The following RTCB variants were observed in gnomAD, a reference collection of about 807,000 sequenced individuals.
RTCB encodes RNA 2',3'-cyclic phosphate and 5'-OH ligase.
RTCB carries 32 observed loss-of-function variants against 58.2 expected under a neutral mutation model. The observed-to-expected ratio is 0.55, with a 90% CI of 0.41 to 0.74. The LOEUF is 0.74. RTCB is among the 30% of genes least tolerant of loss of function. The pLI, the probability that RTCB is intolerant of heterozygous loss-of-function variation, is 0.00. For missense variants in RTCB, 523 were observed against 639.0 expected, an observed-to-expected ratio of 0.82 and a Z score of 1.96; for synonymous variants, 247 against 218.6, an observed-to-expected ratio of 1.13 and a Z score of -1.15.
At chr22:32,400,819 T>C (rs1045414487) in intron 5 of RTCB, among the ~76,000 whole-genome samples, 2 of 152,198 alleles carry the variant, frequency 1.3e-5, no homozygotes, top group Non-Finnish European at 2.9e-5. Context: ...TAAAGAAACA[T>C]AGCTAGCACA....
At chr22:32,400,615 C>G (rs1428110511) in intron 5 of RTCB, among the ~76,000 whole-genome samples, 1 of 152,204 alleles carries the variant, frequency 6.6e-6, no homozygotes, top group Admixed American at 6.5e-5. Context: ...TCCACGTATG[C>G]TTTTCAAATT....
chr22:32,411,966 C>A lies in RTCB; in HGVS notation c.93+98G>T, dbSNP rs938510087. ...AGGGAAACTCTGCAAGGGGCCGGGG[C>A]GGACCCAGTGGTCAGGGGAGGTCCA... On this transcript the variant is annotated intron_variant, in intron 1 of 11. Coordinates refer to ENST00000216038, the MANE Select transcript of RTCB (RefSeq NM_014306.5). 3 of 845,414 alleles carry A rather than the reference C, an allele frequency of 3.5e-6. No homozygotes were observed. The Admixed American group carries it at 7.5e-5, about 21-fold the overall frequency. 52.4% of individuals were successfully genotyped at this position (845,414 alleles called of 1,614,324 possible).
At chr22:32,402,072 A>T (rs908919275) in intron 4 of RTCB, among the ~76,000 whole-genome samples, 169 bp from the exon 5 acceptor site, 3 of 152,236 alleles carry the variant, frequency 2.0e-5, no homozygotes, top group Non-Finnish European at 4.4e-5. Flanking sequence ...ACACCAAGAT[A>T]ATCTAAAGTA....
chr22:32,389,111 T>C (rs896929977), intron 11 of RTCB, among the ~76,000 whole-genome samples: 4 of 152,170 alleles, frequency 2.6e-5, no homozygotes, highest in Non-Finnish European at 5.9e-5. Flanking sequence ...CTTGCAGTCA[T>C]TACATCGTAC....
intron 4 of RTCB, among the ~76,000 whole-genome samples, chr22:32,403,403 T>C (rs972751601): frequency 6.6e-6 from 1 of 150,798 alleles, no homozygotes; most frequent in African/African-American, 2.4e-5. Flanking sequence ...CGAGACTCCG[T>C]CTCAAAAAAA....
intron 1 of RTCB, among the ~76,000 whole-genome samples, chr22:32,410,302 G>T (rs1933498179): frequency 6.6e-6 from 1 of 152,134 alleles, no homozygotes; most frequent in Non-Finnish European, 1.5e-5. Flanking sequence ...TGGCGCAGCA[G>T]AACATCTAGG....
intron 7 of RTCB, 131 bp from the exon 8 acceptor site, chr22:32,396,380 T>A: frequency 1.1e-6 from 1 of 877,526 alleles, no homozygotes; most frequent in Non-Finnish European, 1.7e-6. Context: ...ACTTTCCCTT[T>A]AATGTGTTTC....
At chr22:32,410,794 C>A (rs556223029) in intron 1 of RTCB, among the ~76,000 whole-genome samples, 2 of 151,526 alleles carry the variant, frequency 1.3e-5, no homozygotes, top group South Asian at 4.2e-4. Context: ...CGGGTCACTG[C>A]AGCCAAGATC....
chr22:32,399,229 T>C (rs1013950360), intron 6 of RTCB, among the ~76,000 whole-genome samples: 1 of 152,094 alleles, frequency 6.6e-6, no homozygotes, highest in African/African-American at 2.4e-5. Flanking sequence ...CTCAAACTCC[T>C]AGGCTCAAGC....
chr22:32,395,824 A>G (rs1199247667), intron 8 of RTCB, among the ~76,000 whole-genome samples: 2 of 152,076 alleles, frequency 1.3e-5, no homozygotes, highest in Non-Finnish European at 2.9e-5. Context: ...CCTCCCGAGT[A>G]GCTGGGACTA....
chr22:32,401,510 G>A (rs760042073), intron 5 of RTCB: 7 of 413,440 alleles, frequency 1.7e-5, no homozygotes, highest in Non-Finnish European at 2.1e-5. Flanking sequence ...CTCAATAAAC[G>A]TTGGTGGATA....
At chr22:32,403,204 A>G (rs1385951502) in intron 4 of RTCB, among the ~76,000 whole-genome samples, 1 of 152,102 alleles carries the variant, frequency 6.6e-6, no homozygotes, top group Non-Finnish European at 1.5e-5. Context: ...CAGGAGATCG[A>G]GAACATCCTG....
chr22:32,407,340 A>G (rs909440061), intron 3 of RTCB: 3 of 153,046 alleles, frequency 2.0e-5, no homozygotes, highest in Non-Finnish European at 2.9e-5. Context: ...CAAGTGCCCA[A>G]CATGGTAACT....
At position 32,396,197 on chromosome 22, in the gene RTCB, A is replaced by C; in HGVS notation, c.867T>G (p.Asn289Lys). 2.5e-6 allele frequency: 4 copies of C among 1,614,214 alleles called. No individual in the cohort carries two copies. The highest frequency in any genetic ancestry group is 1.1e-5 in the South Asian group (1 of 91,082). The change falls in exon 8 of 12, where the codon AAT becomes AAG. Residue 289 changes from asparagine to lysine, a missense_variant. By Grantham distance (94) the Asn-to-Lys change is moderately conservative. Transcript: ENST00000216038. ...KAMKRDKIIV[N>K]DRQLACARIA... Reference sequence around the variant, plus strand: ...TTCGAGCACAAGCCAACTGCCGATCATTGACTATAATCTTGTCTCTCTTCA... The same window carrying C: ...TTCGAGCACAAGCCAACTGCCGATCCTTGACTATAATCTTGTCTCTCTTCA...
intron 11 of RTCB, among the ~76,000 whole-genome samples, chr22:32,389,685 G>A (rs1933119844): frequency 6.6e-6 from 1 of 152,140 alleles, no homozygotes; most frequent in Non-Finnish European, 1.5e-5. Context: ...TTGTACATCA[G>A]ACTCTATCTC....
intron 5 of RTCB, among the ~76,000 whole-genome samples, chr22:32,401,090 G>GTT (rs536914312): frequency 1.3e-3 from 180 of 136,712 alleles, no homozygotes; most frequent in East Asian, 3.7e-3. Flanking sequence ...CACCTACTAA[G>GTT]TTTTTTTTTT....
Position 32,401,874 on chromosome 22 carries a change from C to CA in RTCB, c.369dup (p.Val124CysfsTer10). 1 of 1,614,108 alleles carries CA rather than the reference C, an allele frequency of 6.2e-7. No homozygotes were observed. The highest frequency in any genetic ancestry group is 8.5e-7 in the Non-Finnish European group (1 of 1,179,974). On this transcript the variant is annotated frameshift_variant, in exon 5 of 12. Transcript: ENST00000216038. LOFTEE classifies it high-confidence loss of function. ...TCTAAATTGGTTCTTAGCAAGCGGA[C>CA]ACCACAGTTGATGTCAAACCCGACA...
At position 32,396,153 on chromosome 22, in the gene RTCB, T is replaced by C. The variant is rs754594824; in HGVS notation, c.911A>G (p.Gln304Arg). 4.2e-5 allele frequency: 67 copies of C among 1,614,076 alleles called. No homozygotes were observed. The highest frequency in any genetic ancestry group is 5.5e-5 in the Non-Finnish European group (65 of 1,180,034). The change falls in exon 8 of 12, where the codon CAA becomes CGA. Residue 304 changes from glutamine to arginine, a missense_variant. Coordinates refer to ENST00000216038, the MANE Select transcript of RTCB (RefSeq NM_014306.5). ...AGCTGCCATTCCCTTCAGATAGTCT[T>C]GACCCTCTGGGGAAGCGATTCGAGC... is the stretch of plus-strand genomic sequence containing the variant. ...ACARIASPEG[Q>R]DYLKGMAAAG...
intron 6 of RTCB, among the ~76,000 whole-genome samples, chr22:32,398,840 T>C (rs114465993): frequency 0.015 from 2,268 of 152,266 alleles, 58 homozygotes; most frequent in African/African-American, 0.052. Flanking sequence ...CTAATATTAA[T>C]AGATGATTTA....
Sources: gnomAD v4.1 joint callset for allele counts (sites outside exome capture counted in the v4.1 genomes callset) on GRCh38, gnomAD v4.1.1 for gene constraint, MANE v1.5 for transcripts, NCBI Gene and HGNC (gene_info 2026-07-23, HGNC 2026-07-21) for gene names.